ALDH5A1: variants seen among roughly 807,000 people sequenced by gnomAD.
ALDH5A1 encodes succinate-semialdehyde dehydrogenase, mitochondrial.
In ALDH5A1, 33 loss-of-function variants were observed where a neutral mutation model predicts 54.7. That is an observed-to-expected ratio of 0.60 (90% CI 0.46 to 0.81). The LOEUF (loss-of-function observed/expected upper bound fraction) is 0.81, where lower values mean the gene tolerates loss of function less well. ALDH5A1 is among the 30% of genes least tolerant of loss of function. The pLI, the probability that ALDH5A1 is intolerant of heterozygous loss-of-function variation, is 0.00. For missense variants in ALDH5A1, 657 were observed against 711.0 expected, an observed-to-expected ratio of 0.92 and a Z score of 0.86; for synonymous variants, 294 against 292.7, an observed-to-expected ratio of 1.00 and a Z score of -0.05.
intron 4 of ALDH5A1, among the ~76,000 whole-genome samples, chr6:24,511,522 T>G (rs575570918): frequency 1.1e-4 from 17 of 152,306 alleles, no homozygotes; most frequent in African/African-American, 3.8e-4. Flanking sequence ...TATTTTCTTA[T>G]GCTTTTTTCT....
chr6:24,511,872 A>T, intron 4 of ALDH5A1: 1 of 594,918 alleles, frequency 1.7e-6, no homozygotes, highest in Non-Finnish European at 3.1e-6. Flanking sequence ...ATTGTTGGTG[A>T]GCTCATGTGA....
chr6:24,536,594 G>A lies in ALDH5A1; in HGVS notation c.*2882G>A, dbSNP rs1760053934. The A allele has an allele frequency of 6.6e-6, 1 of 152,180 alleles. No individual in the cohort carries two copies. Among genetic ancestry groups the A allele is most frequent in the South Asian group, 2.1e-4 (1 of 4,828 alleles). 9.4% of individuals were successfully genotyped at this position (152,180 alleles called of 1,614,324 possible). On this transcript the variant is annotated 3_prime_UTR_variant, in exon 10 of 10. Coordinates refer to ENST00000357578, the MANE Select transcript of ALDH5A1 (RefSeq NM_001080.3). ...ATCCGGCATTATTTCAACACCTCCT[G>A]TGAAGAAAGTACTTTTCTGGCATAG... is the stretch of plus-strand genomic sequence containing the variant.
chr6:24,500,647 A>AAAT (rs35094488), intron 1 of ALDH5A1, among the ~76,000 whole-genome samples: 57,031 of 143,920 alleles, frequency 0.4, 11,665 homozygotes, highest in Middle Eastern at 0.47. Context: ...ACCGTATCTA[A>AAAT]AATAATAATA....
rs1285162709 is a variant in ALDH5A1, at chr6:24,502,551, A to G, written c.383A>G (p.Tyr128Cys). The stretch of plus-strand genomic sequence containing the variant: ...AGGAGTTCATTACTTCGGAAGTGGT[A>G]CAATTTAATGATACAAAATAAGGAT... Reference protein sequence around the residue: ...KERSSLLRKWYNLMIQNKDDL... With the variant: ...KERSSLLRKWCNLMIQNKDDL... The change falls in exon 2 of 10, where the codon TAC (tyrosine) becomes TGC (cysteine). Residue 128 changes from tyrosine (Y) to cysteine (C), a missense_variant. By Grantham distance (194) the Tyr-to-Cys change is radical (BLOSUM62 -2). This residue lies in a region of ALDH5A1 where 425 missense variants were observed against 516.4 expected (regional missense o/e 0.82). Coordinates refer to ENST00000357578, the MANE Select transcript of ALDH5A1 (RefSeq NM_001080.3). 2 of 1,613,526 alleles carry G rather than the reference A, an allele frequency of 1.2e-6. No individual in the cohort carries two copies. Among genetic ancestry groups the G allele is most frequent in the Non-Finnish European group, 1.7e-6 (2 of 1,179,432 alleles).
At chr6:24,532,004 T>C in intron 8 of ALDH5A1, 115 bp from the exon 9 acceptor site, 4 of 970,746 alleles carry the variant, frequency 4.1e-6, no homozygotes, top group Non-Finnish European at 6.5e-6. Context: ...TGGATCTCTT[T>C]GCAAAACTCT....
At position 24,536,832 on chromosome 6, in the gene ALDH5A1, T is replaced by C. The variant is rs1201326402; in HGVS notation, c.*3120T>C. 4.6e-5 allele frequency: 7 copies of C among 152,664 alleles called. No homozygotes were observed. The highest frequency in any genetic ancestry group is 8.8e-5 in the Non-Finnish European group (6 of 68,046). The allele number at this position is 152,664 out of a possible 1,614,324, so 9.5% of individuals were successfully genotyped here. A position where few individuals can be genotyped will look rare whatever the true frequency, so the allele number is the denominator to read the frequency against. On this transcript the variant is annotated 3_prime_UTR_variant, in exon 10 of 10. Transcript: ENST00000357578. The stretch of plus-strand genomic sequence containing the variant: ...GTGAAGTGCCATTTCTTTATTCTAC[T>C]AAAGAGAGACAGCAGAAATAAAGAT...
chr6:24,536,111 T>C lies in ALDH5A1; in HGVS notation c.*2399T>C, dbSNP rs1760042983. 1 of 152,234 alleles carries C rather than the reference T, an allele frequency of 6.6e-6. No homozygotes were observed. 9.4% of individuals were successfully genotyped at this position (152,234 alleles called of 1,614,324 possible). ...ATTATTTTTAACTGAACGTTTTTGT[T>C]GTTTTTTAAATAAAGTAGCCATATG... On this transcript the variant is annotated 3_prime_UTR_variant, in exon 10 of 10. Coordinates refer to ENST00000357578, the MANE Select transcript of ALDH5A1 (RefSeq NM_001080.3).
At chr6:24,513,787 T>C (rs1759508287) in intron 4 of ALDH5A1, among the ~76,000 whole-genome samples, 1 of 149,922 alleles carries the variant, frequency 6.7e-6, no homozygotes, top group Non-Finnish European at 1.5e-5. Flanking sequence ...TTCTCTGTTA[T>C]TGGGTATACC....
At chr6:24,533,183 C>T (rs555775478) in intron 9 of ALDH5A1, among the ~76,000 whole-genome samples, 1 of 152,220 alleles carries the variant, frequency 6.6e-6, no homozygotes, top group East Asian at 1.9e-4. Flanking sequence ...TGAATTTAAC[C>T]TTATTTTATA....
Position 24,534,017 on chromosome 6 carries a change from C to T in ALDH5A1, c.*305C>T, listed in dbSNP as rs1759991239. ...GAGCAGGCACAGCACAAGGCAGGCC[C>T]AGCCCCATGGGCCGTCACAAAGGCT... On this transcript the variant is annotated 3_prime_UTR_variant, in exon 10 of 10. Coordinates refer to ENST00000357578, the MANE Select transcript of ALDH5A1 (RefSeq NM_001080.3). The T allele has an allele frequency of 5.5e-6, 2 of 365,488 alleles. No homozygotes were observed. The highest frequency in any genetic ancestry group is 4.0e-5 in the Admixed American group (1 of 25,172). 22.6% of individuals were successfully genotyped at this position (365,488 alleles called of 1,614,324 possible). A position where few individuals can be genotyped will look rare whatever the true frequency, so the allele number is the denominator to read the frequency against.
chr6:24,495,385 C>T (rs778838294), intron 1 of ALDH5A1, 35 bp downstream of exon 1: 1 of 1,526,310 alleles, frequency 6.6e-7, no homozygotes, highest in South Asian at 1.2e-5. Context: ...CCAGAGCTGG[C>T]CGGGGACACG....
chr6:24,528,219 G>A (rs1759860218), intron 8 of ALDH5A1, 53 bp downstream of exon 8: 3 of 1,606,488 alleles, frequency 1.9e-6, no homozygotes, highest in Non-Finnish European at 2.6e-6. Flanking sequence ...AGAGAACATA[G>A]GAAACCCTGA....
intron 7 of ALDH5A1, among the ~76,000 whole-genome samples, chr6:24,523,780 G>A (rs1314528777): frequency 6.6e-6 from 1 of 152,152 alleles, no homozygotes; most frequent in Admixed American, 6.5e-5. Context: ...TATCCCAGCC[G>A]GGGGTGCAGA....
At chr6:24,521,117 A>T (rs1296014690) in intron 6 of ALDH5A1, among the ~76,000 whole-genome samples, 1 of 152,180 alleles carries the variant, frequency 6.6e-6, no homozygotes, top group Non-Finnish European at 1.5e-5. Flanking sequence ...CGCTGTCCCG[A>T]GATGGAGGGA....
chr6:24,498,853 C>CT (rs1207111572), intron 1 of ALDH5A1, among the ~76,000 whole-genome samples: 1 of 152,092 alleles, frequency 6.6e-6, no homozygotes, highest in Non-Finnish European at 1.5e-5. Context: ...AATCCCAGCA[C>CT]TTTGGGAGGC....
At chr6:24,519,502 T>C (rs1203657401) in intron 5 of ALDH5A1, among the ~76,000 whole-genome samples, 2 of 151,712 alleles carry the variant, frequency 1.3e-5, no homozygotes, top group African/African-American at 2.4e-5. Context: ...AAGGTGGAGG[T>C]TGCAGTAACT....
intron 1 of ALDH5A1, among the ~76,000 whole-genome samples, chr6:24,501,266 AT>A (rs2082259888): frequency 6.6e-6 from 1 of 152,212 alleles, no homozygotes; most frequent in South Asian, 2.1e-4. Flanking sequence ...GAAAAAAAGT[AT>A]TTGTTACCTC....
chr6:24,495,581 A>G (rs1764684699), intron 1 of ALDH5A1, among the ~76,000 whole-genome samples: 1 of 152,218 alleles, frequency 6.6e-6, no homozygotes, highest in Admixed American at 6.5e-5. Flanking sequence ...AGCCTCATCA[A>G]GTTATGCACT....
intron 5 of ALDH5A1, 128 bp from the exon 6 acceptor site, chr6:24,520,273 G>A: frequency 9.7e-7 from 1 of 1,035,424 alleles, no homozygotes; most frequent in Non-Finnish European, 1.5e-6. Context: ...GTTTTCTTAT[G>A]CAAAGTTATC....
Sources: gnomAD v4.1 joint callset for allele counts (sites outside exome capture counted in the v4.1 genomes callset) on GRCh38, gnomAD v4.1.1 for gene constraint, gnomAD v4.1.1 regional missense constraint, MANE v1.5 for transcripts, NCBI Gene and HGNC (gene_info 2026-07-23, HGNC 2026-07-21) for gene names.